ZC3H3: variants seen among roughly 807,000 people sequenced by gnomAD.
ZC3H3 encodes the protein zinc finger CCCH-type containing 3, also known as zinc finger CCCH domain-containing protein 3.
ZC3H3 carries 36 observed loss-of-function variants against 77.3 expected under a neutral mutation model. That is an observed-to-expected ratio of 0.47 (90% confidence interval 0.36 to 0.61). The LOEUF (loss-of-function observed/expected upper bound fraction) is 0.61, where lower values mean the gene tolerates loss of function less well. Among genes scored for constraint, ZC3H3 ranks in the 20% least tolerant of loss-of-function variants. The pLI is 0.00. For synonymous variants in ZC3H3, 626 were observed against 555.2 expected (o/e 1.13, Z -1.79); for missense variants, 1,331 against 1,312.2 (o/e 1.01, Z -0.22).
chr8:143,499,212 G>A (rs4874141), intron 4 of ZC3H3, among the ~76,000 whole-genome samples: 69,767 of 151,718 alleles, frequency 0.46, 16,803 homozygotes, highest in East Asian at 0.67. Context: ...ACTCCTGGCC[G>A]TCAGGGAAGC....
At chr8:143,516,125 C>T (rs527776941) in intron 3 of ZC3H3, among the ~76,000 whole-genome samples, 141 of 152,364 alleles carry the variant, frequency 9.3e-4, no homozygotes, top group South Asian at 1.4e-3. Flanking sequence ...AGGCAGGGGG[C>T]GGCTGGTGAG....
At chr8:143,509,547 C>T (rs1193907874) in intron 3 of ZC3H3, among the ~76,000 whole-genome samples, 1 of 152,230 alleles carries the variant, frequency 6.6e-6, no homozygotes, top group Non-Finnish European at 1.5e-5. Context: ...GCCCAAATGG[C>T]CCACTTGCCA....
chr8:143,441,178 G>T, intron 9 of ZC3H3, 58 bp from the exon 10 acceptor site: 1 of 1,350,380 alleles, frequency 7.4e-7, no homozygotes, highest in Non-Finnish European at 9.5e-7. Context: ...CGCTGCACGG[G>T]GAAGGCAAGG....
chr8:143,494,070 C>T lies in ZC3H3; in HGVS notation c.1715+13676G>A, dbSNP rs994360148. Among the ~76,000 whole-genome samples, 13 of 152,268 alleles carry T rather than the reference C, an allele frequency of 8.5e-5. No homozygotes were observed. Among genetic ancestry groups the T allele is most frequent in the African/African-American group, 3.1e-4 (13 of 41,568 alleles). On this transcript the variant is annotated intron_variant, in intron 4 of 11. Coordinates refer to ENST00000262577, the MANE Select transcript of ZC3H3 (RefSeq NM_015117.3). This position sits in a 1 kb window ranked among gnomAD's most constrained non-coding sequence, Gnocchi z 5.3. ...CTGCCGGAGTCCTGCCTCAGCAGCA[C>T]GTGGGGAAGCCTGGGGAGTGGGAGG...
At position 143,439,934 on chromosome 8, in the gene ZC3H3, AGTCCTTGCTGAG is replaced by A. The variant is rs1474011612; in HGVS notation, c.2815+95_2815+106del. 8.8e-5 allele frequency: 58 copies of A among 658,836 alleles called. 7 individuals carry two copies. The highest frequency in any genetic ancestry group is 2.0e-4 in the African/African-American group (6 of 29,642). 40.8% of individuals were successfully genotyped at this position (658,836 alleles called of 1,614,324 possible). On this transcript the variant is annotated intron_variant, in intron 11 of 11. Coordinates refer to ENST00000262577, the MANE Select transcript of ZC3H3 (RefSeq NM_015117.3). ...CGAGCCAGGCCATGCTGCCTACCTG[AGTCCTTGCTGAG>A]GGGGGGGCCCTGGGGGCCTGAGCCA...
intron 9 of ZC3H3, among the ~76,000 whole-genome samples, chr8:143,454,236 C>T (rs2129825532): frequency 6.6e-6 from 1 of 151,526 alleles, no homozygotes; most frequent in South Asian, 2.1e-4. Context: ...TGCCTACCAC[C>T]ACACTCAGGT....
In ZC3H3 at chr8:143,515,431, G is replaced by A. The variant is rs57161347; in HGVS notation, c.1562-7532C>T. ...TGCGTGACATCAGCTTCCGGCAGAC[G>A]GCACTGGCAGGCTGTGGGGACCCTG... On this transcript the variant is annotated intron_variant, in intron 3 of 11. Transcript: ENST00000262577. Among the ~76,000 whole-genome samples, 1,319 of 152,362 alleles carry A rather than the reference G, an allele frequency of 8.7e-3. 23 individuals are homozygous for A. The highest frequency in any genetic ancestry group is 0.03 in the African/African-American group (1,268 of 41,586).
chr8:143,529,093 T>C (rs1263266877), intron 3 of ZC3H3, among the ~76,000 whole-genome samples: 4 of 152,160 alleles, frequency 2.6e-5, no homozygotes, highest in Non-Finnish European at 4.4e-5. Flanking sequence ...GGGAGCAAAC[T>C]GTGCACACCT....
chr8:143,518,134 G>T (rs1822121099), intron 3 of ZC3H3, among the ~76,000 whole-genome samples: 2 of 152,232 alleles, frequency 1.3e-5, no homozygotes, highest in African/African-American at 4.8e-5. Context: ...GGGCCAGCAG[G>T]CAGCTCCAGG....
chr8:143,538,099 C>G lies in ZC3H3; in HGVS notation c.1268G>C (p.Gly423Ala). 6.2e-7 allele frequency: 1 copy of G among 1,613,182 alleles called. No homozygotes were observed. The highest frequency in any genetic ancestry group is 8.5e-7 in the Non-Finnish European group (1 of 1,180,032). The change falls in exon 2 of 12, where the codon GGA (glycine) becomes GCA (alanine). Residue 423 changes from glycine (G) to alanine (A), a missense_variant. Physicochemically the swap from Gly to Ala is moderately conservative, Grantham distance 60 (BLOSUM62 0). Transcript: ENST00000262577. ...RSPSGDRPAV[G>A]HSGLKPLSGE... ...AGAGAGGGGCTTCAAGCCACTGTGT[C>G]CTACTGCTGGTCTGTCCCCCGACGG...
chr8:143,500,031 C>T (rs1245326172), intron 4 of ZC3H3, among the ~76,000 whole-genome samples: 1 of 152,150 alleles, frequency 6.6e-6, no homozygotes, highest in Non-Finnish European at 1.5e-5. Context: ...CACCCCCCAG[C>T]CCCTATCCTC....
chr8:143,452,627 A>G (rs1339606152), intron 9 of ZC3H3, among the ~76,000 whole-genome samples: 1 of 152,174 alleles, frequency 6.6e-6, no homozygotes, highest in Non-Finnish European at 1.5e-5. Context: ...GTATCAACAG[A>G]GAAAAAGAAG....
chr8:143,499,229 C>A (rs1229246642), intron 4 of ZC3H3, among the ~76,000 whole-genome samples: 1 of 152,076 alleles, frequency 6.6e-6, no homozygotes, highest in Non-Finnish European at 1.5e-5. Context: ...AAGCCCAGGA[C>A]GAAGAGAACC....
At chr8:143,536,694 C>T (rs951747122) in intron 2 of ZC3H3, among the ~76,000 whole-genome samples, 1 of 152,198 alleles carries the variant, frequency 6.6e-6, no homozygotes, top group Non-Finnish European at 1.5e-5. Flanking sequence ...GGGCAGGCTG[C>T]CATGCTCCCA....
Position 143,502,565 on chromosome 8 carries a change from C to A in ZC3H3, c.1715+5181G>T, listed in dbSNP as rs530952377. 5.9e-5 allele frequency among the ~76,000 whole-genome samples: 9 copies of A among 152,336 alleles called. No homozygotes were observed. In the East Asian group the frequency reaches 1.7e-3, roughly 29 times the overall value. ...AGTGAGAGGCAGCCTCGTGACAGGA[C>A]CATTTGTAGTCAGATGGAAAAGCCT... On this transcript the variant is annotated intron_variant, in intron 4 of 11. Coordinates refer to ENST00000262577, the MANE Select transcript of ZC3H3 (RefSeq NM_015117.3).
intron 5 of ZC3H3, among the ~76,000 whole-genome samples, chr8:143,469,935 C>A (rs1267401193): frequency 6.6e-6 from 1 of 152,198 alleles, no homozygotes; most frequent in Non-Finnish European, 1.5e-5. Flanking sequence ...TTCTGGGGAC[C>A]TGAGGTGGTG....
chr8:143,453,257 T>C (rs572259087), intron 9 of ZC3H3, among the ~76,000 whole-genome samples: 1 of 21,440 alleles, frequency 4.7e-5, no homozygotes, highest in East Asian at 7.6e-4. Flanking sequence ...TTTGTTTTTT[T>C]GTTTTTTTTT....
chr8:143,505,000 T>A (rs1821644081), intron 4 of ZC3H3, among the ~76,000 whole-genome samples: 1 of 152,136 alleles, frequency 6.6e-6, no homozygotes. Context: ...GGTGACCAGA[T>A]CTCCAATCAC....
At chr8:143,438,250 G>C (rs1469308076) in intron 11 of ZC3H3, among the ~76,000 whole-genome samples, 163 bp from the exon 12 acceptor site, 1 of 152,180 alleles carries the variant, frequency 6.6e-6, no homozygotes, top group East Asian at 1.9e-4. Flanking sequence ...GAAGAGCACA[G>C]ACAGGCCACA....
Sources: gnomAD v4.1 joint callset for allele counts (sites outside exome capture counted in the v4.1 genomes callset) on GRCh38, gnomAD v4.1.1 for gene constraint, Gnocchi (gnomAD v3.1) non-coding constraint, MANE v1.5 for transcripts, NCBI Gene and HGNC (gene_info 2026-07-23, HGNC 2026-07-21) for gene names.